Variants in CAST observed in about 807,000 individuals in gnomAD.
The protein encoded by CAST is MIR583 host.
Under a neutral mutation model 119.6 loss-of-function variants are expected in CAST, and 76 were observed. The ratio of observed to expected loss-of-function variants is 0.64; its 90% confidence interval spans 0.53 to 0.77. CAST has a LOEUF of 0.77. Ranked by LOEUF, CAST falls within the 30% of genes least tolerant of loss-of-function variation. The pLI is 0.00. For synonymous variants in CAST, 319 were observed against 331.6 expected (o/e 0.96, Z 0.41); for missense variants, 953 against 946.5 (o/e 1.01, Z -0.09).
chr5:96,457,699 A>G, the CAST span, among the ~76,000 whole-genome samples: 6 of 152,132 alleles, frequency 3.9e-5, no homozygotes, highest in African/African-American at 1.4e-4. Context: ...TCCAATTTGA[A>G]TTACATTTTT....
chr5:95,961,775 G>C, the CAST span: 5 of 1,514,216 alleles, frequency 3.3e-6, no homozygotes, highest in Non-Finnish European at 4.4e-6. Context: ...AGCCTCCACT[G>C]CGGCCGCGGC....
At chr5:96,467,440 T>C in the CAST span, among the ~76,000 whole-genome samples, 1 of 152,148 alleles carries the variant, frequency 6.6e-6, no homozygotes, top group Non-Finnish European at 1.5e-5. Flanking sequence ...CATGTTTTTC[T>C]TCTAGTCTTT....
At chr5:96,361,091 C>G in the CAST span, among the ~76,000 whole-genome samples, 2 of 152,164 alleles carry the variant, frequency 1.3e-5, no homozygotes, top group African/African-American at 4.8e-5. Flanking sequence ...CTGCGGTGGG[C>G]TCTGCCACTC....
intron 1 of CAST, among the ~76,000 whole-genome samples, chr5:96,619,667 A>C (rs995245689): frequency 2.0e-5 from 3 of 152,200 alleles, no homozygotes; most frequent in African/African-American, 7.2e-5. Context: ...CGAGACCACT[A>C]ACCCACCAGA....
intron 9 of CAST, among the ~76,000 whole-genome samples, chr5:96,734,063 G>A (rs1002462936): frequency 1.3e-5 from 2 of 152,152 alleles, no homozygotes; most frequent in African/African-American, 4.8e-5. Context: ...TCTAATTCAG[G>A]GAATCCACAA....
At chr5:96,591,465 A>T (rs377627296) in intron 1 of CAST, among the ~76,000 whole-genome samples, 1 of 152,204 alleles carries the variant, frequency 6.6e-6, no homozygotes, top group Admixed American at 6.5e-5. Flanking sequence ...AAAATTCAAC[A>T]TTACAGATGT....
chr5:96,754,838 CT>C, intron 22 of CAST, 97 bp downstream of exon 22: 1 of 730,860 alleles, frequency 1.4e-6, no homozygotes, highest in East Asian at 2.6e-5. Context: ...ATATAAAGAT[CT>C]TGTTTCTTCA....
At chr5:96,129,594 C>T in the CAST span, among the ~76,000 whole-genome samples, 10 of 152,088 alleles carry the variant, frequency 6.6e-5, no homozygotes, top group Non-Finnish European at 1.2e-4. Context: ...AAATTGTTCA[C>T]TTTTGACATA....
the CAST span, among the ~76,000 whole-genome samples, chr5:95,997,005 A>G: frequency 6.6e-6 from 1 of 152,166 alleles, no homozygotes; most frequent in Non-Finnish European, 1.5e-5. Flanking sequence ...GAAAATAGTG[A>G]TATTTTACAT....
At chr5:96,084,068 T>A in the CAST span, among the ~76,000 whole-genome samples, 1 of 152,114 alleles carries the variant, frequency 6.6e-6, no homozygotes, top group African/African-American at 2.4e-5. Flanking sequence ...ACTATACGAG[T>A]GTTAAATAAA....
chr5:96,553,138 T>G (rs1385361176), intron 1 of CAST, among the ~76,000 whole-genome samples: 4 of 152,168 alleles, frequency 2.6e-5, no homozygotes, highest in Admixed American at 2.6e-4. Flanking sequence ...ATATCCCTGA[T>G]GAACATCTAT....
chr5:96,618,536 G>C (rs193162367), intron 1 of CAST, among the ~76,000 whole-genome samples: 1 of 152,252 alleles, frequency 6.6e-6, no homozygotes, highest in Admixed American at 6.5e-5. Flanking sequence ...GGGAACCGGG[G>C]CTGCGCATGG....
At chr5:96,076,541 A>G in the CAST span, among the ~76,000 whole-genome samples, 1 of 152,204 alleles carries the variant, frequency 6.6e-6, no homozygotes, top group African/African-American at 2.4e-5. Context: ...TATTTTAGTG[A>G]GGAAAACAAC....
At chr5:96,188,427 T>A in the CAST span, among the ~76,000 whole-genome samples, 1 of 152,172 alleles carries the variant, frequency 6.6e-6, no homozygotes, top group African/African-American at 2.4e-5. Flanking sequence ...GGATTTAACC[T>A]ATTGAAACAC....
At chr5:96,306,420 T>A in the CAST span, among the ~76,000 whole-genome samples, 1 of 152,184 alleles carries the variant, frequency 6.6e-6, no homozygotes, top group African/African-American at 2.4e-5. Context: ...CTGACTTTTT[T>A]TGAAGGGTTT....
chr5:96,135,468 T>A, the CAST span, among the ~76,000 whole-genome samples: 1 of 152,094 alleles, frequency 6.6e-6, no homozygotes, highest in African/African-American at 2.4e-5. Context: ...GGATGTATGG[T>A]GGTGGTTTAG....
chr5:96,391,880 G>T, the CAST span: 3 of 152,194 alleles, frequency 2.0e-5, no homozygotes. Context: ...TCCATGGCCT[G>T]CCAGTTTCTG....
At chr5:96,148,086 A>G in the CAST span, among the ~76,000 whole-genome samples, 1 of 152,168 alleles carries the variant, frequency 6.6e-6, no homozygotes, top group Admixed American at 6.5e-5. Flanking sequence ...GAGAGGGACT[A>G]TTGGTCACAC....
At chr5:96,014,899 A>G in the CAST span, among the ~76,000 whole-genome samples, 3 of 152,170 alleles carry the variant, frequency 2.0e-5, no homozygotes, top group Admixed American at 1.3e-4. Context: ...GAAGCCATCT[A>G]GTCGACTTTC....
Sources: gnomAD v4.1 joint callset for allele counts (sites outside exome capture counted in the v4.1 genomes callset) on GRCh38, gnomAD v4.1.1 for gene constraint, MANE v1.5 for transcripts, NCBI Gene and HGNC (gene_info 2026-07-23, HGNC 2026-07-21) for gene names.